Variants in CACNA1I observed in about 807,000 individuals in gnomAD.
CACNA1I encodes the protein voltage-dependent T-type calcium channel subunit alpha-1I.
A neutral mutation model predicts 201.6 loss-of-function variants in CACNA1I; 74 were observed. The ratio of observed to expected loss-of-function variants is 0.37; its 90% CI spans 0.30 to 0.45. The LOEUF (loss-of-function observed/expected upper bound fraction) is 0.45, where lower values mean the gene tolerates loss of function less well. Ranked by LOEUF, CACNA1I falls within the 20% of genes least tolerant of loss-of-function variation. The pLI, the probability that CACNA1I is intolerant of heterozygous loss-of-function variation, is 1.00. For synonymous variants in CACNA1I, 1,431 were observed against 1,345.2 expected (o/e 1.06, Z -1.40); for missense variants, 2,346 against 3,138.1 (o/e 0.75, Z 6.03).
intron 4 of CACNA1I, among the ~76,000 whole-genome samples, chr22:39,621,005 A>C (rs1432622872): frequency 6.6e-6 from 1 of 152,064 alleles, no homozygotes; most frequent in East Asian, 1.9e-4. Flanking sequence ...TGATCCACCC[A>C]CCTTGGCTTC....
intron 10 of CACNA1I, among the ~76,000 whole-genome samples, chr22:39,656,887 T>G (rs1482808170): frequency 6.6e-6 from 1 of 152,202 alleles, no homozygotes; most frequent in Non-Finnish European, 1.5e-5. Context: ...GCTTCCTTTC[T>G]CTGTGATTCA....
intron 3 of CACNA1I, among the ~76,000 whole-genome samples, 152 bp downstream of exon 3, chr22:39,600,805 A>ACAGACATTCTCAGC: frequency 6.6e-6 from 1 of 152,252 alleles, no homozygotes; most frequent in Middle Eastern, 3.4e-3. Context: ...TGATGGACAG[A>ACAGACATTCTCAGC]CAGACATTCT....
chr22:39,603,887 T>G (rs1933136088), intron 3 of CACNA1I, among the ~76,000 whole-genome samples: 1 of 152,178 alleles, frequency 6.6e-6, no homozygotes, highest in African/African-American at 2.4e-5. Context: ...GGAGTTATCT[T>G]TTGGGCAGAA....
chr22:39,634,766 TA>T lies in CACNA1I; in HGVS notation c.740+43del, dbSNP rs762784307. ...CCACCCATGCAGCTCCGGGGACTCT[TA>T]CTAAGACACAGTTTTAACCTTCTGG... On this transcript the variant is annotated intron_variant, in intron 5 of 36. Transcript: ENST00000402142. 1.0e-5 allele frequency: 16 copies of T among 1,585,986 alleles called. No individual in the cohort carries two copies. The African/African-American group carries it at 1.3e-4, about 13-fold the overall frequency.
Position 39,646,564 on chromosome 22 carries a change from C to A in CACNA1I, c.1150-5C>A. On this transcript the variant is annotated splice_region_variant and splice_polypyrimidine_tract_variant and intron_variant, in intron 7 of 36. Coordinates refer to ENST00000402142, the MANE Select transcript of CACNA1I (RefSeq NM_021096.4). Reference sequence around the variant, plus strand: ...GTCCCTGTCCTCTCCTCCCGTTGGTCACAGGTGGGCTCCTTCTTCATGATC... The same window carrying A: ...GTCCCTGTCCTCTCCTCCCGTTGGTAACAGGTGGGCTCCTTCTTCATGATC... The A allele has an allele frequency of 6.5e-7, 1 of 1,540,266 alleles. No homozygotes were observed. The highest frequency in any genetic ancestry group is 8.8e-7 in the Non-Finnish European group (1 of 1,140,424).
In CACNA1I at chr22:39,628,371, G is replaced by A. The variant is rs373209239; in HGVS notation, c.581-6194G>A. Among the ~76,000 whole-genome samples the A allele has an allele frequency of 1.6e-4, 25 of 152,216 alleles. No homozygotes were observed. The South Asian group carries it at 5.0e-3, about 30-fold the overall frequency. On this transcript the variant is annotated intron_variant, in intron 4 of 36. Coordinates refer to ENST00000402142, the MANE Select transcript of CACNA1I (RefSeq NM_021096.4). The stretch of plus-strand genomic sequence containing the variant: ...GGGAAAGGGTGCCTACCTGGTCTAG[G>A]AGGAGGCTTCCCAGAGGAGGGGGTG...
chr22:39,634,414 TC>T, intron 4 of CACNA1I, 150 bp from the exon 5 acceptor site: 1 of 751,832 alleles, frequency 1.3e-6, no homozygotes, highest in Non-Finnish European at 2.3e-6. Flanking sequence ...AGAGGGTGTA[TC>T]TGGCAGCCAC....
chr22:39,577,037 C>T (rs1009186863), intron 1 of CACNA1I, among the ~76,000 whole-genome samples: 5 of 152,036 alleles, frequency 3.3e-5, no homozygotes, highest in African/African-American at 4.8e-5. Flanking sequence ...CTGCAACCTT[C>T]GCCTCCCAGT....
rs1935218409 is a variant in CACNA1I, at chr22:39,666,954, C to A, written c.4104+948C>A. Among the ~76,000 whole-genome samples, 1 of 152,244 alleles carries A rather than the reference C, an allele frequency of 6.6e-6. No individual in the cohort carries two copies. Among genetic ancestry groups the A allele is most frequent in the Non-Finnish European group, 1.5e-5 (1 of 68,038 alleles). On this transcript the variant is annotated intron_variant, in intron 23 of 36. Coordinates refer to ENST00000402142, the MANE Select transcript of CACNA1I (RefSeq NM_021096.4). The surrounding 1 kb of genome is among the most constrained non-coding windows in gnomAD (Gnocchi z 4.1). ...TGCCCGTGCTCCTGACCCCCTTCACCTATGGGCCCCGCCCCAGTGCCAGCT... is the reference window on the plus strand; with the variant it reads ...TGCCCGTGCTCCTGACCCCCTTCACATATGGGCCCCGCCCCAGTGCCAGCT...
chr22:39,612,350 T>C (rs572250831), intron 3 of CACNA1I, among the ~76,000 whole-genome samples: 2 of 152,332 alleles, frequency 1.3e-5, no homozygotes, highest in Admixed American at 6.5e-5. Context: ...TCTTTCTGCT[T>C]CTGTTATAGC....
chr22:39,667,829 T>G (rs1310205699), intron 23 of CACNA1I, among the ~76,000 whole-genome samples: 1 of 152,210 alleles, frequency 6.6e-6, no homozygotes, highest in Non-Finnish European at 1.5e-5. Context: ...CCAGGGCTCC[T>G]GACTCCTCTC....
chr22:39,688,149 C>T lies in CACNA1I; in HGVS notation c.*1744C>T. The T allele has an allele frequency of 6.6e-6, 1 of 152,258 alleles. No individual in the cohort carries two copies. The allele number at this position is 152,258 out of a possible 1,614,324, so 9.4% of individuals were successfully genotyped here. On this transcript the variant is annotated 3_prime_UTR_variant, in exon 37 of 37. Coordinates refer to ENST00000402142, the MANE Select transcript of CACNA1I (RefSeq NM_021096.4). The surrounding 1 kb of genome is among the most constrained non-coding windows in gnomAD (Gnocchi z 4.8). ...TCAAGCCCACCCGGGAAACTGAGCCCTGGAGAGGGGAAGCAGCCAGCCCAG... is the reference window on the plus strand; with the variant it reads ...TCAAGCCCACCCGGGAAACTGAGCCTTGGAGAGGGGAAGCAGCCAGCCCAG...
intron 3 of CACNA1I, among the ~76,000 whole-genome samples, chr22:39,607,901 G>GGC (rs1405717750): frequency 4.6e-5 from 7 of 151,300 alleles, no homozygotes; most frequent in Non-Finnish European, 7.4e-5. Context: ...AAGGCGGGGG[G>GGC]GGGTCACCTG....
At chr22:39,620,237 GTCCATCCATCCATCCATCCA>G (rs67971450) in intron 4 of CACNA1I, among the ~76,000 whole-genome samples, 1 of 117,676 alleles carries the variant, frequency 8.5e-6, no homozygotes, top group Non-Finnish European at 1.8e-5. Flanking sequence ...CCATCCACCT[GTCCATCCATCCATCCATCCA>G]TCCATCCATC....
chr22:39,579,564 A>G (rs1448607511), intron 1 of CACNA1I, among the ~76,000 whole-genome samples: 1 of 151,970 alleles, frequency 6.6e-6, no homozygotes, highest in African/African-American at 2.4e-5. Flanking sequence ...GGACCTCAGG[A>G]AGCTTTTACT....
chr22:39,629,630 G>A lies in CACNA1I; in HGVS notation c.581-4935G>A, dbSNP rs568510762. On this transcript the variant is annotated intron_variant, in intron 4 of 36. Transcript: ENST00000402142. This position sits in a 1 kb window ranked among gnomAD's most constrained non-coding sequence, Gnocchi z 4.8. ...TGGAGAGGGCCCAGTGTCTGGCCTG[G>A]GCCATCTCAACAGTGAGGGCACAGA... Among the ~76,000 whole-genome samples the A allele has an allele frequency of 1.5e-3, 235 of 152,192 alleles. 1 individual carries two copies. Among genetic ancestry groups the A allele is most frequent in the African/African-American group, 5.4e-3 (224 of 41,512 alleles).
intron 1 of CACNA1I, chr22:39,587,724 ATAGCAGGTGCCC>A (rs1258505589): frequency 1.5e-5 from 7 of 451,660 alleles, no homozygotes; most frequent in Non-Finnish European, 2.7e-5. Context: ...GGGTTTGGCA[ATAGCAGGTGCCC>A]TAGCAGGTGC....
At chr22:39,636,918 G>A (rs1038577144) in intron 5 of CACNA1I, among the ~76,000 whole-genome samples, 7 of 152,224 alleles carry the variant, frequency 4.6e-5, no homozygotes, top group African/African-American at 9.6e-5. Context: ...CGCACAGGTG[G>A]GAGATGGGGC....
At chr22:39,672,884 G>A in intron 27 of CACNA1I, 65 bp from the exon 28 acceptor site, 1 of 1,531,594 alleles carries the variant, frequency 6.5e-7, no homozygotes, top group East Asian at 2.3e-5. Flanking sequence ...CCCCCACTAA[G>A]GTGTGTCTGA....
Sources: gnomAD v4.1 joint callset for allele counts (sites outside exome capture counted in the v4.1 genomes callset) on GRCh38, gnomAD v4.1.1 for gene constraint, Gnocchi (gnomAD v3.1) non-coding constraint, MANE v1.5 for transcripts, NCBI Gene and HGNC (gene_info 2026-07-23, HGNC 2026-07-21) for gene names.